The following CADM2 variants were observed in gnomAD, a reference collection of about 807,000 sequenced individuals.
The protein encoded by CADM2 is immunoglobulin superfamily member 4D.
In CADM2, 12 loss-of-function variants were observed where a neutral mutation model predicts 49.8. That is an observed-to-expected ratio of 0.24 (90% confidence interval 0.15 to 0.39). CADM2 has a LOEUF of 0.39. Ranked by LOEUF, CADM2 falls within the 10% of genes least tolerant of loss-of-function variation. CADM2 has a pLI of 1.00. For synonymous variants in CADM2, 214 were observed against 175.4 expected, an observed-to-expected ratio of 1.22 and a Z score of -1.74; for missense variants, 378 against 492.3, an observed-to-expected ratio of 0.77 and a Z score of 2.20.
intron 3 of CADM2, among the ~76,000 whole-genome samples, chr3:85,876,072 A>G (rs1711791427): frequency 6.6e-6 from 1 of 152,192 alleles, no homozygotes; most frequent in African/African-American, 2.4e-5. Flanking sequence ...CATCAGTGAC[A>G]TGGATTTAAG....
chr3:85,477,099 G>T (rs1004298586), intron 1 of CADM2, among the ~76,000 whole-genome samples: 8 of 151,738 alleles, frequency 5.3e-5, no homozygotes, highest in African/African-American at 1.9e-4. Context: ...TAAGACTTTT[G>T]CCTGAAGGCA....
In CADM2 at chr3:86,070,069, A is replaced by T. The variant is rs1739720818; in HGVS notation, c.*3286A>T. 1 of 151,966 alleles carries T rather than the reference A, an allele frequency of 6.6e-6. No homozygotes were observed. Among genetic ancestry groups the T allele is most frequent in the Admixed American group, 6.6e-5 (1 of 15,230 alleles). The allele number at this position is 151,966 out of a possible 1,614,324, so 9.4% of individuals were successfully genotyped here. On this transcript the variant is annotated 3_prime_UTR_variant, in exon 10 of 10. Coordinates refer to ENST00000383699, the MANE Select transcript of CADM2 (RefSeq NM_001167675.2). ...AGAGAATCCAAGAAGCAGTTTAAGG[A>T]ACCTGATATTGGAGTTTAATCTAGA...
intron 1 of CADM2, among the ~76,000 whole-genome samples, chr3:85,504,050 G>T (rs1260731192): frequency 2.0e-5 from 3 of 152,150 alleles, no homozygotes; most frequent in African/African-American, 7.2e-5. Flanking sequence ...TGGGTTCTTG[G>T]TCTTACTGAC....
At chr3:85,182,963 C>T (rs911247612) in intron 1 of CADM2, among the ~76,000 whole-genome samples, 1 of 151,946 alleles carries the variant, frequency 6.6e-6, no homozygotes, top group African/African-American at 2.4e-5. Context: ...TAGACTGTAT[C>T]ATTTATTGCT....
At chr3:84,961,976 T>C (rs186333179) in intron 1 of CADM2, among the ~76,000 whole-genome samples, 10 of 152,204 alleles carry the variant, frequency 6.6e-5, no homozygotes, top group Admixed American at 6.5e-4. Flanking sequence ...AGAGATTCCA[T>C]CAGCAGCATT....
chr3:85,473,267 T>C (rs895749352), intron 1 of CADM2, among the ~76,000 whole-genome samples: 2 of 152,078 alleles, frequency 1.3e-5, no homozygotes, highest in Non-Finnish European at 2.9e-5. Flanking sequence ...GTAACAATCA[T>C]AGCAGAAATG....
At chr3:85,850,500 A>ATT (rs947652541) in intron 3 of CADM2, among the ~76,000 whole-genome samples, 1 of 148,802 alleles carries the variant, frequency 6.7e-6, no homozygotes, top group East Asian at 2.0e-4. Flanking sequence ...AATTTTTTGT[A>ATT]TTTTTTTTTA....
intron 1 of CADM2, among the ~76,000 whole-genome samples, chr3:85,254,891 G>T (rs1353016775): frequency 6.6e-6 from 1 of 151,998 alleles, no homozygotes; most frequent in Non-Finnish European, 1.5e-5. Context: ...AGTGCTTCCC[G>T]TTTGCGGGTC....
chr3:85,277,801 A>G (rs777284824), intron 1 of CADM2, among the ~76,000 whole-genome samples: 6 of 150,266 alleles, frequency 4.0e-5, no homozygotes, highest in Non-Finnish European at 7.5e-5. Context: ...TTGATAAAAT[A>G]TAGAATAAAA....
intron 8 of CADM2, among the ~76,000 whole-genome samples, chr3:86,004,874 G>T (rs1730592687): frequency 6.6e-6 from 1 of 152,186 alleles, no homozygotes; most frequent in Admixed American, 6.5e-5. Context: ...CACAGGAATT[G>T]CCCTTTACTG....
intron 8 of CADM2, among the ~76,000 whole-genome samples, chr3:86,003,655 A>G (rs1255353967): frequency 6.6e-6 from 1 of 152,216 alleles, no homozygotes; most frequent in Non-Finnish European, 1.5e-5. Context: ...CACTGTCTGC[A>G]TCACTCACAG....
chr3:85,152,980 G>GTAAAAAAAAAATA (rs2039978639), intron 1 of CADM2, among the ~76,000 whole-genome samples: 1 of 146,328 alleles, frequency 6.8e-6, no homozygotes, highest in Non-Finnish European at 1.5e-5. Flanking sequence ...AAAAAAAAAT[G>GTAAAAAAAAAATA]TAAAAAAAAA....
At chr3:85,627,613 TCAAA>T (rs1190827985) in intron 1 of CADM2, among the ~76,000 whole-genome samples, 2 of 151,918 alleles carry the variant, frequency 1.3e-5, no homozygotes, top group Non-Finnish European at 2.9e-5. Context: ...CCCGGGGTGC[TCAAA>T]CAAAGATAAC....
chr3:85,835,001 C>T (rs578200664), intron 3 of CADM2, among the ~76,000 whole-genome samples: 320 of 151,700 alleles, frequency 2.1e-3, no homozygotes, highest in African/African-American at 6.9e-3. Flanking sequence ...TGCTTGCACA[C>T]GCATGTGTGT....
At chr3:85,576,522 A>ACACACACATATGGAGG (rs1183974130) in intron 1 of CADM2, among the ~76,000 whole-genome samples, 15 of 151,758 alleles carry the variant, frequency 9.9e-5, no homozygotes, top group Admixed American at 6.5e-4. Flanking sequence ...GACAATGTTT[A>ACACACACATATGGAGG]CACACACATA....
intron 2 of CADM2, among the ~76,000 whole-genome samples, chr3:85,763,426 A>G (rs1279803859): frequency 6.6e-6 from 1 of 152,192 alleles, no homozygotes; most frequent in African/African-American, 2.4e-5. Context: ...TGGAAATAAC[A>G]CCATCTTCAC....
At chr3:85,053,269 G>A (rs2035954066) in intron 1 of CADM2, among the ~76,000 whole-genome samples, 1 of 151,982 alleles carries the variant, frequency 6.6e-6, no homozygotes, top group African/African-American at 2.4e-5. Flanking sequence ...AACTTTGGAT[G>A]AATAAGAATA....
rs1036275388 is a variant in CADM2, at chr3:85,211,203, G to A, written c.61+251535G>A. Among the ~76,000 whole-genome samples, 6 of 151,778 alleles carry A rather than the reference G, an allele frequency of 4.0e-5. 1 individual carries two copies. In the East Asian group the frequency reaches 9.7e-4, roughly 24 times the overall value. On this transcript the variant is annotated intron_variant, in intron 1 of 9. Transcript: ENST00000383699. ...TCTCTCTCTCTCTTCTTAGCCTGGC[G>A]ATAGGTTTGTCTATTACATTTATCT... is the stretch of plus-strand genomic sequence containing the variant.
At chr3:85,230,911 G>T (rs1177911826) in intron 1 of CADM2, among the ~76,000 whole-genome samples, 1 of 152,030 alleles carries the variant, frequency 6.6e-6, no homozygotes, top group African/African-American at 2.4e-5. Flanking sequence ...GCCACAAACT[G>T]GTTGGCTTAC....
Sources: gnomAD v4.1 joint callset for allele counts (sites outside exome capture counted in the v4.1 genomes callset) on GRCh38, gnomAD v4.1.1 for gene constraint, MANE v1.5 for transcripts, NCBI Gene and HGNC (gene_info 2026-07-23, HGNC 2026-07-21) for gene names.